Variants in PHACTR1 observed in about 807,000 individuals in gnomAD.
PHACTR1 encodes the protein phosphatase and actin regulator 1.
PHACTR1 carries 16 observed loss-of-function variants against 69.2 expected under a neutral mutation model. The observed-to-expected ratio is 0.23, with a 90% CI of 0.16 to 0.35. The LOEUF is 0.35. Ranked by LOEUF, PHACTR1 falls within the 10% of genes least tolerant of loss-of-function variation. The pLI is 1.00. For missense variants in PHACTR1, 510 were observed against 734.7 expected (o/e 0.69, Z 3.54); for synonymous variants, 312 against 284.5 (o/e 1.10, Z -0.97).
intron 4 of PHACTR1, among the ~76,000 whole-genome samples, chr6:12,804,136 A>C (rs1338238825): frequency 6.6e-6 from 1 of 152,260 alleles, no homozygotes; most frequent in East Asian, 1.9e-4. Context: ...CACCTACAAA[A>C]CATTATCTGG....
intron 4 of PHACTR1, among the ~76,000 whole-genome samples, chr6:13,019,690 A>C (rs1441970160): frequency 6.6e-6 from 1 of 152,238 alleles, no homozygotes; most frequent in African/African-American, 2.4e-5. Context: ...CAATTTGTGA[A>C]ATCTATAGCT....
intron 10 of PHACTR1, among the ~76,000 whole-genome samples, chr6:13,269,841 A>T (rs1212199689): frequency 6.6e-6 from 1 of 152,202 alleles, no homozygotes; most frequent in Non-Finnish European, 1.5e-5. Flanking sequence ...TCTCAAAAAA[A>T]GAAAAAAACA....
chr6:12,753,970 A>ATTT (rs1193950496), intron 4 of PHACTR1, among the ~76,000 whole-genome samples: 5 of 134,504 alleles, frequency 3.7e-5, no homozygotes, highest in East Asian at 2.2e-4. Flanking sequence ...ATATATATAT[A>ATTT]TTTTTTTTTT....
chr6:12,995,294 AAAAG>A (rs1797294027), intron 4 of PHACTR1, among the ~76,000 whole-genome samples: 1 of 151,984 alleles, frequency 6.6e-6, no homozygotes, highest in Non-Finnish European at 1.5e-5. Context: ...AGAGGAAAGG[AAAAG>A]AAAGAATAGA....
chr6:12,754,150 T>A (rs1265180709), intron 4 of PHACTR1, among the ~76,000 whole-genome samples: 26 of 142,556 alleles, frequency 1.8e-4, no homozygotes, highest in African/African-American at 6.5e-4. Context: ...TTTTTTTGTA[T>A]TTTTAGTGGA....
chr6:13,107,229 G>A (rs763651159), intron 5 of PHACTR1, among the ~76,000 whole-genome samples: 9 of 152,118 alleles, frequency 5.9e-5, no homozygotes, highest in Admixed American at 1.3e-4. Context: ...GCAATCCTCA[G>A]TCTCCTGAGT....
chr6:12,933,311 T>C (rs552478045), intron 4 of PHACTR1, among the ~76,000 whole-genome samples: 2 of 152,330 alleles, frequency 1.3e-5, no homozygotes, highest in African/African-American at 2.4e-5. Flanking sequence ...TGGTAAGTTA[T>C]ATGCTTTAAA....
At chr6:12,821,200 G>A (rs1191618864) in intron 4 of PHACTR1, among the ~76,000 whole-genome samples, 1 of 152,092 alleles carries the variant, frequency 6.6e-6, no homozygotes, top group Admixed American at 6.6e-5. Flanking sequence ...GGTGGCTGAC[G>A]CCTGTAATCC....
intron 5 of PHACTR1, among the ~76,000 whole-genome samples, chr6:13,119,403 C>T (rs571731071): frequency 3.3e-5 from 5 of 152,280 alleles, no homozygotes; most frequent in East Asian, 3.9e-4. Flanking sequence ...AGAAAGCTAC[C>T]GTATAGTCCT....
intron 8 of PHACTR1, among the ~76,000 whole-genome samples, chr6:13,213,759 G>A (rs956780420): frequency 6.6e-6 from 1 of 152,188 alleles, no homozygotes; most frequent in Non-Finnish European, 1.5e-5. Flanking sequence ...GCCAGAGGCT[G>A]CAGCCCTCAC....
At chr6:13,068,973 C>T (rs1368916555) in intron 5 of PHACTR1, among the ~76,000 whole-genome samples, 4 of 152,138 alleles carry the variant, frequency 2.6e-5, no homozygotes, top group East Asian at 1.9e-4. Context: ...TTAGGCTGAA[C>T]GATAATCTAA....
rs1251070803 is a variant in PHACTR1 at position 12,717,514 on chromosome 6, G to C, written c.-276G>C. The C allele has an allele frequency of 6.6e-6, 1 of 151,994 alleles. No individual in the cohort carries two copies. The highest frequency in any genetic ancestry group is 6.6e-5 in the Admixed American group (1 of 15,242). The allele number at this position is 151,994 out of a possible 1,614,324, so 9.4% of individuals were successfully genotyped here. On this transcript the variant is annotated 5_prime_UTR_variant, in exon 2 of 15. Transcript: ENST00000332995. ...GTAATTTTCTCCCTTCGCAGGGGAG[G>C]GTGCAGAGGCTGAGGCTGGCGTCAC...
intron 4 of PHACTR1, among the ~76,000 whole-genome samples, chr6:12,755,241 C>A (rs749761907): frequency 6.6e-6 from 1 of 152,066 alleles, no homozygotes; most frequent in Non-Finnish European, 1.5e-5. Context: ...CCCACAGAGG[C>A]GTGTTTTATA....
chr6:13,196,715 G>A (rs568368583), intron 7 of PHACTR1, among the ~76,000 whole-genome samples: 59 of 152,226 alleles, frequency 3.9e-4, no homozygotes, highest in African/African-American at 1.2e-3. Context: ...CACTGCACCC[G>A]GCCCCAGTCA....
chr6:12,780,241 T>C (rs911166702), intron 4 of PHACTR1, among the ~76,000 whole-genome samples: 2 of 132,694 alleles, frequency 1.5e-5, no homozygotes, highest in Non-Finnish European at 3.2e-5. Flanking sequence ...TATATATATA[T>C]CTTTTCTCTG....
rs779864026 is a variant in PHACTR1, at chr6:12,822,207, GC to G, written c.250+72418del. Among the ~76,000 whole-genome samples the G allele has an allele frequency of 5.9e-5, 9 of 152,302 alleles. No individual in the cohort carries two copies. The Middle Eastern group carries it at 0.014, about 230-fold the overall frequency. On this transcript the variant is annotated intron_variant, in intron 4 of 14. Coordinates refer to ENST00000332995, the MANE Select transcript of PHACTR1 (RefSeq NM_030948.6). ...GACTCCTGTTGACTAAAGGTCAAAG[GC>G]ATGTGTTTTGAGAGGAGGAGATGTT...
At chr6:12,835,317 G>T (rs528152780) in intron 4 of PHACTR1, among the ~76,000 whole-genome samples, 29 of 152,248 alleles carry the variant, frequency 1.9e-4, no homozygotes, top group Middle Eastern at 3.4e-3. Context: ...AGAGTGTGAG[G>T]CTTGGGGAGC....
At chr6:12,954,371 T>C (rs4461729) in intron 4 of PHACTR1, among the ~76,000 whole-genome samples, 150,706 of 151,408 alleles carry the variant, frequency 1, 75,012 homozygotes, top group Middle Eastern at 1. Flanking sequence ...CTTTGACACA[T>C]GCTCACACTG....
rs542208836 is a variant in PHACTR1, at chr6:12,935,409, A to C, written c.251-117956A>C. ...TAGGCGCCCAACACCACACCCAGCT[A>C]ATTTTTGTATTTTTAGTAGAAATGG... On this transcript the variant is annotated intron_variant, in intron 4 of 14. Coordinates refer to ENST00000332995, the MANE Select transcript of PHACTR1 (RefSeq NM_030948.6). 1.4e-4 allele frequency among the ~76,000 whole-genome samples: 21 copies of C among 151,970 alleles called. No individual in the cohort carries two copies. The South Asian group carries it at 4.0e-3, about 29-fold the overall frequency.
Sources: gnomAD v4.1 joint callset for allele counts (sites outside exome capture counted in the v4.1 genomes callset) on GRCh38, gnomAD v4.1.1 for gene constraint, MANE v1.5 for transcripts, NCBI Gene and HGNC (gene_info 2026-07-23, HGNC 2026-07-21) for gene names.